The following RGPD4 variants were observed in gnomAD, a reference collection of about 807,000 sequenced individuals.
RGPD4 encodes the protein ranBP2-like and GRIP domain-containing protein 4.
Under a neutral mutation model 141.1 loss-of-function variants are expected in RGPD4, and 84 were observed. That is an observed-to-expected ratio of 0.60 (90% CI 0.50 to 0.71). The LOEUF is 0.71. RGPD4 is among the 30% of genes least tolerant of loss of function. RGPD4 has a pLI of 0.00. For missense variants in RGPD4, 918 were observed against 1,622.4 expected (o/e 0.57, Z 7.46); for synonymous variants, 298 against 566.8 (o/e 0.53, Z 6.74).
Position 107,859,488 on chromosome 2 carries a change from A to G in RGPD4, c.1568A>G (p.Gln523Arg), listed in dbSNP as rs773841682. Residue 523 changes from glutamine (Q) to arginine (R), a missense_variant, in exon 11 of 23, where the codon CAG becomes CGG. By Grantham distance (43) the Gln-to-Arg change is conservative (BLOSUM62 1). Coordinates refer to ENST00000408999, the MANE Select transcript of RGPD4 (RefSeq NM_182588.3). Reference sequence around the variant, plus strand: ...TGCCTGCCCCTTCCTGTATGTAAACAGCTTTGTACAGAAAGACAAAAATCT... The same window carrying G: ...TGCCTGCCCCTTCCTGTATGTAAACGGCTTTGTACAGAAAGACAAAAATCT... The part of the protein sequence containing the change: ...PLCLPLPVCK[Q>R]LCTERQKSWW... 3 of 1,611,274 alleles carry G rather than the reference A, an allele frequency of 1.9e-6. No individual in the cohort carries two copies. The Admixed American group carries it at 5.0e-5, about 27-fold the overall frequency.
At chr2:107,870,248 G>T (rs1302918735) in intron 19 of RGPD4, among the ~76,000 whole-genome samples, 1 of 144,780 alleles carries the variant, frequency 6.9e-6, no homozygotes, top group Non-Finnish European at 1.5e-5. Context: ...GAACTGTAAT[G>T]CCCTTGCTGA....
chr2:107,890,548 C>CA (rs1210623696), intron 22 of RGPD4, among the ~76,000 whole-genome samples, 173 bp from the exon 23 acceptor site: 2,717 of 16,366 alleles, frequency 0.17, 551 homozygotes, highest in Non-Finnish European at 0.2. Context: ...GACCCTGTCT[C>CA]AAAAAAAAAA....
intron 6 of RGPD4, among the ~76,000 whole-genome samples, chr2:107,844,799 G>T (rs1681856399): frequency 1.5e-5 from 1 of 67,958 alleles, no homozygotes; most frequent in African/African-American, 5.6e-5. Flanking sequence ...TTGTATGTGG[G>T]TTCCTTTCTT....
intron 1 of RGPD4, among the ~76,000 whole-genome samples, chr2:107,833,919 C>A (rs1263070579): frequency 6.6e-6 from 1 of 151,942 alleles, no homozygotes; most frequent in Non-Finnish European, 1.5e-5. Context: ...GCCTGCAGTC[C>A]CAGCTTGTAC....
intron 1 of RGPD4, among the ~76,000 whole-genome samples, chr2:107,834,569 G>A (rs896913027): frequency 6.6e-6 from 1 of 152,158 alleles, no homozygotes; most frequent in Non-Finnish European, 1.5e-5. Flanking sequence ...TATCAGATCA[G>A]TTGTTGGAGT....
intron 6 of RGPD4, among the ~76,000 whole-genome samples, chr2:107,846,579 G>A (rs1681954896): frequency 1.3e-5 from 2 of 149,758 alleles, no homozygotes; most frequent in South Asian, 4.3e-4. Flanking sequence ...CGATTCTCCT[G>A]CCTCAGCCTC....
rs1195678590 is a variant in RGPD4, at chr2:107,835,071, CTTTTTTTTTTT to C, written c.73-1515_73-1505del. ...ATGGAACATACTCTGGTTGTATCAG[CTTTTTTTTTTT>C]TTTTTTTTTTTTTTTGAGATGGAAT... On this transcript the variant is annotated intron_variant, in intron 1 of 22. Coordinates refer to ENST00000408999, the MANE Select transcript of RGPD4 (RefSeq NM_182588.3). 2.7e-3 allele frequency among the ~76,000 whole-genome samples: 32 copies of C among 11,640 alleles called. 1 individual carries two copies. Among genetic ancestry groups the C allele is most frequent in the African/African-American group, 0.02 (32 of 1,596 alleles). The allele number at this position is 11,640 out of a possible 152,430, so 7.6% of individuals were successfully genotyped here. A position where few individuals can be genotyped will look rare whatever the true frequency, so the allele number is the denominator to read the frequency against.
At chr2:107,887,116 C>A in intron 22 of RGPD4, among the ~76,000 whole-genome samples, 1 of 150,224 alleles carries the variant, frequency 6.7e-6, no homozygotes, top group East Asian at 1.9e-4. Context: ...GTGGCATGTG[C>A]CCATAGTCCT....
chr2:107,846,472 G>C (rs1681950698), intron 6 of RGPD4, among the ~76,000 whole-genome samples: 1 of 151,462 alleles, frequency 6.6e-6, no homozygotes, highest in Admixed American at 6.6e-5. Context: ...AATAATTATA[G>C]CTTTTTTTTT....
rs754753680 is a variant in RGPD4 at position 107,882,713 on chromosome 2, G to A, written c.5106G>A (p.Glu1702=). Residue 1702 remains glutamate (E), a synonymous_variant, in exon 22 of 23, where the codon GAG becomes GAA. Transcript: ENST00000408999. ...TAAGAAGATTGGAAAGGAATCAAGAGCAAGAGGAGTCTGCAGCTAACGTGG... is the reference window on the plus strand; with the variant it reads ...TAAGAAGATTGGAAAGGAATCAAGAACAAGAGGAGTCTGCAGCTAACGTGG... ...SEIRRLERNQ[E]QEESAANVEH... 5 of 1,611,648 alleles carry A rather than the reference G, an allele frequency of 3.1e-6. No individual in the cohort carries two copies. Among genetic ancestry groups the A allele is most frequent in the Non-Finnish European group, 4.2e-6 (5 of 1,179,864 alleles).
At position 107,868,568 on chromosome 2, in the gene RGPD4, AC is replaced by A. The variant is rs1258376311; in HGVS notation, c.2606-1314del. On this transcript the variant is annotated intron_variant, in intron 18 of 22. Transcript: ENST00000408999. Reference sequence around the variant, plus strand: ...GATGGAGAAGAGTTTTTGTATATCAACATGAATGTTAATGTGATTTTTTTAA... The same window carrying A: ...GATGGAGAAGAGTTTTTGTATATCAAATGAATGTTAATGTGATTTTTTTAA... 2.0e-5 allele frequency among the ~76,000 whole-genome samples: 3 copies of A among 150,356 alleles called. No homozygotes were observed. The East Asian group carries it at 6.0e-4, about 30-fold the overall frequency.
chr2:107,885,507 C>G (rs1368630067), intron 22 of RGPD4, among the ~76,000 whole-genome samples: 2 of 152,020 alleles, frequency 1.3e-5, no homozygotes, highest in African/African-American at 4.8e-5. Flanking sequence ...AGAGACTAAC[C>G]TAAGGGATAC....
At chr2:107,863,505 AT>A (rs1286024491) in intron 17 of RGPD4, among the ~76,000 whole-genome samples, 1 of 142,614 alleles carries the variant, frequency 7.0e-6, no homozygotes, top group South Asian at 2.3e-4. Context: ...ATTTTATTTT[AT>A]TTTTGAGACA....
rs1322899020 is a variant in RGPD4, at chr2:107,886,310, G to C, written c.5266+3437G>C. On this transcript the variant is annotated intron_variant, in intron 22 of 22. Transcript: ENST00000408999. ...TCTCAAGCAGTATTAAAAAAAAAAA[G>C]AAGAAATCTACTTCTAGTCACATAA... 2.3e-5 allele frequency among the ~76,000 whole-genome samples: 2 copies of C among 87,646 alleles called. 1 individual carries two copies. 57.5% of individuals were successfully genotyped at this position (87,646 alleles called of 152,430 possible).
chr2:107,863,446 C>T, intron 17 of RGPD4, among the ~76,000 whole-genome samples: 1 of 127,934 alleles, frequency 7.8e-6, no homozygotes, highest in Admixed American at 7.8e-5. Context: ...CAGGTGTGAG[C>T]CACTGTGCCC....
At chr2:107,881,157 G>A (rs1333886609) in intron 21 of RGPD4, among the ~76,000 whole-genome samples, 12 of 148,870 alleles carry the variant, frequency 8.1e-5, no homozygotes, top group Non-Finnish European at 1.6e-4. Context: ...TTTTAAAGCC[G>A]AATTCAGTTA....
rs747755931 is a variant in RGPD4 at position 107,882,715 on chromosome 2, A to C, written c.5108A>C (p.Gln1703Pro). 1.2e-6 allele frequency: 2 copies of C among 1,611,678 alleles called. No homozygotes were observed. The highest frequency in any genetic ancestry group is 1.7e-5 in the Admixed American group (1 of 60,002). Residue 1703 changes from glutamine (Q) to proline (P), a missense_variant, in exon 22 of 23, where the codon CAA (glutamine) becomes CCA (proline). Coordinates refer to ENST00000408999, the MANE Select transcript of RGPD4 (RefSeq NM_182588.3). ...EIRRLERNQE[Q>P]EESAANVEHL... ...AGAAGATTGGAAAGGAATCAAGAGC[A>C]AGAGGAGTCTGCAGCTAACGTGGAA...
intron 6 of RGPD4, among the ~76,000 whole-genome samples, chr2:107,847,229 A>T (rs910353657): frequency 1.4e-5 from 2 of 146,084 alleles, no homozygotes; most frequent in Non-Finnish European, 3.0e-5. Flanking sequence ...TGACAGAGTG[A>T]GATTCTGTCT....
chr2:107,860,692 A>G, intron 12 of RGPD4, 74 bp from the exon 13 acceptor site: 1 of 1,311,176 alleles, frequency 7.6e-7, no homozygotes, highest in East Asian at 2.3e-5. Flanking sequence ...GCCAGTTCTT[A>G]CAACTTGTAA....
Sources: allele counts gnomAD v4.1 joint callset (sites outside exome capture counted in the v4.1 genomes callset), GRCh38; gene constraint gnomAD v4.1.1; transcripts MANE v1.5; gene names NCBI Gene and HGNC (gene_info 2026-07-23, HGNC 2026-07-21).